Variants in TNR observed in about 807,000 individuals in gnomAD.
TNR encodes tenascin R.
In TNR, 45 loss-of-function variants were observed where a neutral mutation model predicts 150.4. The observed-to-expected ratio is 0.30, with a 90% CI of 0.24 to 0.38. The LOEUF (loss-of-function observed/expected upper bound fraction) is 0.38. TNR is among the 10% of genes least tolerant of loss of function. The pLI is 1.00. For missense variants in TNR, 1,544 were observed against 1,759.1 expected, an observed-to-expected ratio of 0.88 and a Z score of 2.19; for synonymous variants, 687 against 678.4, an observed-to-expected ratio of 1.01 and a Z score of -0.20.
At chr1:175,387,694 C>T (rs1019196414) in intron 7 of TNR, among the ~76,000 whole-genome samples, 1 of 152,250 alleles carries the variant, frequency 6.6e-6, no homozygotes, top group Non-Finnish European at 1.5e-5. Flanking sequence ...GTAAGTCTCT[C>T]TTCCTTGTTA....
At chr1:175,597,581 C>T (rs12065732) in intron 1 of TNR, among the ~76,000 whole-genome samples, 30,647 of 152,136 alleles carry the variant, frequency 0.2, 5,532 homozygotes, top group African/African-American at 0.49. Flanking sequence ...TTTCAGAGGC[C>T]TTCCTTTACT....
At chr1:175,531,621 C>T (rs946021724) in intron 1 of TNR, among the ~76,000 whole-genome samples, 14 of 152,196 alleles carry the variant, frequency 9.2e-5, no homozygotes, top group Non-Finnish European at 1.5e-4. Flanking sequence ...TGACCTGACT[C>T]TCCAGCAGCT....
intron 20 of TNR, among the ~76,000 whole-genome samples, chr1:175,331,013 C>CTT (rs1553203174): frequency 1.8e-5 from 1 of 55,308 alleles, no homozygotes; most frequent in Non-Finnish European, 3.7e-5. Context: ...TTCTTTCTTT[C>CTT]TTTCTTTCTT....
intron 1 of TNR, among the ~76,000 whole-genome samples, chr1:175,590,725 T>A (rs777686321): frequency 6.6e-6 from 1 of 152,216 alleles, no homozygotes; most frequent in Non-Finnish European, 1.5e-5. Flanking sequence ...AGAACTGCAA[T>A]GGCAAGATGA....
At chr1:175,572,010 G>A (rs1661893101) in intron 1 of TNR, among the ~76,000 whole-genome samples, 1 of 152,094 alleles carries the variant, frequency 6.6e-6, no homozygotes, top group South Asian at 2.1e-4. Flanking sequence ...GTTTGTTGTT[G>A]AACAAACTTC....
At chr1:175,725,273 T>C (rs964637804) in intron 1 of TNR, among the ~76,000 whole-genome samples, 1 of 152,186 alleles carries the variant, frequency 6.6e-6, no homozygotes, top group Non-Finnish European at 1.5e-5. Flanking sequence ...CTTCCCAATC[T>C]CTAGAACTAG....
In TNR at chr1:175,406,605, G is replaced by A. The variant is rs1412396731; in HGVS notation, c.110C>T (p.Thr37Ile). 1.9e-6 allele frequency: 3 copies of A among 1,614,206 alleles called. No homozygotes were observed. Among genetic ancestry groups the A allele is most frequent in the East Asian group, 2.2e-5 (1 of 44,880 alleles). ...KPSECQLEVTTERVQRQSVEE... is the reference protein window; with the variant it reads ...KPSECQLEVTIERVQRQSVEE... ...CACTGACTGTCTCTGGACCCTTTCT[G>A]TGGTGACCTCCAGCTGACACTCTGA... Residue 37 changes from threonine to isoleucine, a missense_variant, in exon 3 of 23, where the codon ACA becomes ATA. By Grantham distance (89) the Thr-to-Ile change is moderately conservative (BLOSUM62 -1). This residue lies in a region of TNR where 1,254 missense variants were observed against 1,329.4 expected (regional missense o/e 0.94). Coordinates refer to ENST00000367674, the MANE Select transcript of TNR (RefSeq NM_003285.3).
chr1:175,373,678 C>T (rs1652206947), intron 9 of TNR, among the ~76,000 whole-genome samples: 1 of 152,190 alleles, frequency 6.6e-6, no homozygotes, highest in African/African-American at 2.4e-5. Context: ...AGAAACACAG[C>T]TCATCAACCT....
chr1:175,562,842 A>C (rs1182689147), intron 1 of TNR, among the ~76,000 whole-genome samples: 2 of 152,244 alleles, frequency 1.3e-5, no homozygotes, highest in Non-Finnish European at 2.9e-5. Flanking sequence ...AAACACCAGA[A>C]GTAAAACATC....
At chr1:175,741,427 G>A (rs756083292) in intron 1 of TNR, among the ~76,000 whole-genome samples, 1 of 152,168 alleles carries the variant, frequency 6.6e-6, no homozygotes, top group Non-Finnish European at 1.5e-5. Context: ...TCCACTGCAA[G>A]GGCATAATTT....
At chr1:175,329,975 T>C in intron 21 of TNR, 99 bp downstream of exon 21, 1 of 1,285,020 alleles carries the variant, frequency 7.8e-7, no homozygotes. Context: ...GCTGGAACTC[T>C]GTGGGTGCTG....
chr1:175,369,352 C>G (rs1215901238), intron 9 of TNR, among the ~76,000 whole-genome samples: 1 of 152,148 alleles, frequency 6.6e-6, no homozygotes, highest in Non-Finnish European at 1.5e-5. Flanking sequence ...TCTAGGAGAC[C>G]TAGGTTCTGG....
In TNR at chr1:175,323,461, G is replaced by A. The variant is rs1307776208; in HGVS notation, c.3973C>T (p.His1325Tyr). 3 of 1,613,932 alleles carry A rather than the reference G, an allele frequency of 1.9e-6. No individual in the cohort carries two copies. Among genetic ancestry groups the A allele is most frequent in the Non-Finnish European group, 2.5e-6 (3 of 1,179,920 alleles). The stretch of plus-strand genomic sequence containing the variant: ...ATGGAGAACTCATGGCCTTTCCAAT[G>A]GTACCAGTTGATGCCCTGGGCGTGA... Reference protein sequence around the residue: ...SRHSQGINWYHWKGHEFSIPF... With the variant: ...SRHSQGINWYYWKGHEFSIPF... Residue 1325 changes from histidine to tyrosine, a missense_variant, in exon 23 of 23, where the codon CAT becomes TAT. Coordinates refer to ENST00000367674, the MANE Select transcript of TNR (RefSeq NM_003285.3).
chr1:175,330,465 TCAG>T, intron 20 of TNR: 2 of 386,992 alleles, frequency 5.2e-6, no homozygotes, highest in South Asian at 2.0e-4. Context: ...CACAGGAAAC[TCAG>T]GGGTTCTAAT....
intron 3 of TNR, among the ~76,000 whole-genome samples, chr1:175,405,195 G>T (rs537420880): frequency 6.6e-6 from 1 of 152,360 alleles, no homozygotes; most frequent in Admixed American, 6.5e-5. Flanking sequence ...TGTGCACAAA[G>T]GGGTACAGAT....
chr1:175,717,118 C>T (rs530891959), intron 1 of TNR, among the ~76,000 whole-genome samples: 105 of 152,284 alleles, frequency 6.9e-4, no homozygotes, highest in Non-Finnish European at 1.3e-3. Flanking sequence ...AAGACTAAAA[C>T]ATTTCTTAGA....
intron 1 of TNR, among the ~76,000 whole-genome samples, chr1:175,623,917 G>A (rs1664062129): frequency 6.6e-6 from 1 of 152,204 alleles, no homozygotes; most frequent in Non-Finnish European, 1.5e-5. Flanking sequence ...CAAGTCAAGG[G>A]GCTGTTTCCT....
chr1:175,736,687 C>A (rs1227258151), intron 1 of TNR, among the ~76,000 whole-genome samples: 1 of 152,012 alleles, frequency 6.6e-6, no homozygotes, highest in African/African-American at 2.4e-5. Context: ...TGGCCCAGAG[C>A]AGGGATGACT....
chr1:175,499,306 CAT>C lies in TNR; in HGVS notation c.-64+28961_-64+28962del, dbSNP rs572502002. ...TAATAATCACAATTAAAATAATTGACATGTTTGAGTATTTAATATGGGCCAGC... is the reference window on the plus strand; with the variant it reads ...TAATAATCACAATTAAAATAATTGACGTTTGAGTATTTAATATGGGCCAGC... On this transcript the variant is annotated intron_variant, in intron 2 of 22. Coordinates refer to ENST00000367674, the MANE Select transcript of TNR (RefSeq NM_003285.3). 2.7e-4 allele frequency among the ~76,000 whole-genome samples: 41 copies of C among 152,198 alleles called. 1 individual carries two copies. In the East Asian group the frequency reaches 7.7e-3, roughly 29 times the overall value.
Sources: allele counts gnomAD v4.1 joint callset (sites outside exome capture counted in the v4.1 genomes callset), GRCh38; gene constraint gnomAD v4.1.1; regional missense constraint gnomAD v4.1.1; transcripts MANE v1.5; gene names NCBI Gene and HGNC (gene_info 2026-07-23, HGNC 2026-07-21).